Variants in RNF13 observed in about 807,000 individuals in gnomAD.
RNF13 encodes the protein ring finger protein 13.
Under a neutral mutation model 37.7 loss-of-function variants are expected in RNF13, and 19 were observed. The observed-to-expected ratio is 0.50, with a 90% CI of 0.35 to 0.74. The LOEUF (loss-of-function observed/expected upper bound fraction) is 0.74, where lower values mean the gene tolerates loss of function less well. Ranked by LOEUF, RNF13 falls within the 30% of genes least tolerant of loss-of-function variation. The pLI is 0.01. For missense variants in RNF13, 375 were observed against 453.0 expected (o/e 0.83, Z 1.56); for synonymous variants, 144 against 157.8 (o/e 0.91, Z 0.65).
intron 1 of RNF13, among the ~76,000 whole-genome samples, chr3:149,833,417 A>G (rs144389548): frequency 5.4e-4 from 83 of 152,326 alleles, no homozygotes; most frequent in African/African-American, 1.9e-3. Flanking sequence ...TAAAAGCATT[A>G]TACACATGAC....
chr3:149,858,068 G>A (rs559341208), intron 3 of RNF13, among the ~76,000 whole-genome samples: 9 of 152,278 alleles, frequency 5.9e-5, no homozygotes, highest in African/African-American at 1.2e-4. Context: ...CCAGGACACC[G>A]CTTAGGTTTG....
At chr3:149,823,794 A>G (rs1210397310) in intron 1 of RNF13, among the ~76,000 whole-genome samples, 1 of 152,222 alleles carries the variant, frequency 6.6e-6, no homozygotes, top group Non-Finnish European at 1.5e-5. Context: ...TGAACTTTGG[A>G]AGACATTATA....
intron 1 of RNF13, among the ~76,000 whole-genome samples, chr3:149,819,144 G>C (rs558519593): frequency 6.6e-6 from 1 of 152,062 alleles, no homozygotes; most frequent in Non-Finnish European, 1.5e-5. Flanking sequence ...CTGTTTTTAC[G>C]ACTTCTTGTA....
chr3:149,895,858 G>T (rs1715201466), intron 5 of RNF13, among the ~76,000 whole-genome samples: 1 of 152,068 alleles, frequency 6.6e-6, no homozygotes, highest in Admixed American at 6.5e-5. Context: ...GCCATAGAGG[G>T]TGTTTTGTAA....
chr3:149,880,561 G>A (rs1001627100), intron 4 of RNF13, among the ~76,000 whole-genome samples: 1 of 151,954 alleles, frequency 6.6e-6, no homozygotes, highest in Admixed American at 6.6e-5. Context: ...TTAACTTATA[G>A]CAAGCATAAC....
intron 4 of RNF13, among the ~76,000 whole-genome samples, chr3:149,880,708 TA>T (rs1033641905): frequency 1.3e-5 from 2 of 152,188 alleles, no homozygotes; most frequent in African/African-American, 4.8e-5. Context: ...GCTACAGTAT[TA>T]AGCTTCATAA....
chr3:149,823,260 T>C (rs933514945), intron 1 of RNF13, among the ~76,000 whole-genome samples: 2 of 152,142 alleles, frequency 1.3e-5, no homozygotes, highest in African/African-American at 4.8e-5. Context: ...GGAAAGACAG[T>C]GGAACCTACT....
At chr3:149,917,322 A>G (rs945957161) in intron 7 of RNF13, 4 of 152,188 alleles carry the variant, frequency 2.6e-5, no homozygotes, top group Non-Finnish European at 4.4e-5. Context: ...CTTTGTCTAT[A>G]TCTAAGTGGC....
At chr3:149,824,977 T>A (rs796994844) in intron 1 of RNF13, among the ~76,000 whole-genome samples, 94 of 151,176 alleles carry the variant, frequency 6.2e-4, no homozygotes, top group African/African-American at 2.2e-3. Flanking sequence ...TTTTTTTTTT[T>A]AAGATACAAA....
intron 8 of RNF13, among the ~76,000 whole-genome samples, chr3:149,926,789 G>T (rs918108138): frequency 6.6e-6 from 1 of 151,898 alleles, no homozygotes; most frequent in Non-Finnish European, 1.5e-5. Flanking sequence ...GATTTCTCTT[G>T]GTTTTATTGT....
chr3:149,949,512 CTTAGATCCCT>C (rs1434091157), intron 8 of RNF13, among the ~76,000 whole-genome samples: 1 of 151,392 alleles, frequency 6.6e-6, no homozygotes, highest in East Asian at 1.9e-4. Flanking sequence ...GTGTAGATCC[CTTAGATCCCT>C]TTAGATTTAT....
chr3:149,947,637 T>C (rs1720896941), intron 8 of RNF13, among the ~76,000 whole-genome samples: 1 of 152,074 alleles, frequency 6.6e-6, no homozygotes, highest in Non-Finnish European at 1.5e-5. Flanking sequence ...TGACCTCTGG[T>C]GATCCGACCG....
In RNF13 at chr3:149,873,258, G is replaced by A. The variant is rs531130460; in HGVS notation, c.321+1104G>A. ...ATTATGCTATGTAATTTCTGGACTC[G>A]GTACAGTCTGATAATTAGAAACTAG... On this transcript the variant is annotated intron_variant, in intron 4 of 9. Coordinates refer to ENST00000392894, the MANE Select transcript of RNF13 (RefSeq NM_183381.3). Among the ~76,000 whole-genome samples the A allele has an allele frequency of 1.5e-3, 231 of 152,182 alleles. 1 individual carries two copies. Among genetic ancestry groups the A allele is most frequent in the African/African-American group, 5.2e-3 (215 of 41,518 alleles).
intron 1 of RNF13, among the ~76,000 whole-genome samples, chr3:149,822,155 G>T (rs975070271): frequency 2.0e-5 from 3 of 152,050 alleles, no homozygotes. Flanking sequence ...ATGAATTTGA[G>T]AATCAGCTTT....
At chr3:149,873,508 C>T (rs1576801042) in intron 4 of RNF13, among the ~76,000 whole-genome samples, 1 of 152,102 alleles carries the variant, frequency 6.6e-6, no homozygotes, top group East Asian at 1.9e-4. Context: ...ATTACTCCAG[C>T]TCATCTCTTT....
chr3:149,905,012 A>T (rs965292641), intron 6 of RNF13, among the ~76,000 whole-genome samples: 1 of 152,162 alleles, frequency 6.6e-6, no homozygotes, highest in Non-Finnish European at 1.5e-5. Context: ...GTTGATCAGC[A>T]TTTGAATCGG....
intron 1 of RNF13, among the ~76,000 whole-genome samples, chr3:149,842,804 A>G (rs1055112421): frequency 6.6e-6 from 1 of 152,246 alleles, no homozygotes; most frequent in Admixed American, 6.5e-5. Context: ...CAAATTACGT[A>G]TGGAAACCCA....
intron 7 of RNF13, among the ~76,000 whole-genome samples, chr3:149,916,421 A>G (rs116245139): frequency 0.027 from 4,184 of 152,280 alleles, 84 homozygotes; most frequent in Non-Finnish European, 0.036. Context: ...CTTTCATTCA[A>G]TAAATATTTA....
chr3:149,824,239 T>C (rs1399143770), intron 1 of RNF13, among the ~76,000 whole-genome samples: 2 of 152,228 alleles, frequency 1.3e-5, no homozygotes, highest in Non-Finnish European at 1.5e-5. Flanking sequence ...ATTACCGTGG[T>C]AGGCAGAATA....
Sources: allele counts gnomAD v4.1 joint callset (sites outside exome capture counted in the v4.1 genomes callset), GRCh38; gene constraint gnomAD v4.1.1; transcripts MANE v1.5; gene names NCBI Gene and HGNC (gene_info 2026-07-23, HGNC 2026-07-21).